TMEM74: variants seen among roughly 807,000 people sequenced by gnomAD.
TMEM74 encodes transmembrane protein 74.
TMEM74 carries 13 observed loss-of-function variants against 18.1 expected under a neutral mutation model. The observed-to-expected ratio is 0.72, with a 90% confidence interval of 0.47 to 1.14. The LOEUF (loss-of-function observed/expected upper bound fraction) is 1.14. TMEM74 is among the 50% of genes most tolerant of loss of function. The probability of loss-of-function intolerance (pLI) is 0.00; values close to 1 mark genes in which losing one functional copy is unlikely to be tolerated. For missense variants in TMEM74, 372 were observed against 375.9 expected (o/e 0.99, Z 0.09); for synonymous variants, 159 against 146.6 (o/e 1.08, Z -0.61).
chr8:108,784,911 G>A lies in TMEM74; in HGVS notation c.188C>T (p.Ser63Phe), dbSNP rs1814361358. The change falls in exon 2 of 2, where the codon TCT (serine) becomes TTT (phenylalanine). Residue 63 changes from serine to phenylalanine, a missense_variant. Coordinates refer to ENST00000297459, the MANE Select transcript of TMEM74 (RefSeq NM_153015.3). The stretch of plus-strand genomic sequence containing the variant: ...CAGAGAGGAGGAGGGGGATGCTGGA[G>A]AAGAACTAAGTTTAGACCCTTCCAT... ...TEMEGSKLSS[S>F]PASPSSSLQN... is the part of the protein sequence containing the mutation. The A allele has an allele frequency of 1.9e-6, 3 of 1,614,204 alleles. No individual in the cohort carries two copies. The highest frequency in any genetic ancestry group is 2.5e-6 in the Non-Finnish European group (3 of 1,180,026).
intron 1 of TMEM74, among the ~76,000 whole-genome samples, chr8:108,787,118 G>A (rs1814395265): frequency 6.6e-6 from 1 of 152,058 alleles, no homozygotes; most frequent in Non-Finnish European, 1.5e-5. Flanking sequence ...TTAAAGCGAG[G>A]GGACACGCAC....
chr8:108,764,849 A>T (rs74891691), intron 1 of TMEM74, among the ~76,000 whole-genome samples: 2,723 of 152,230 alleles, frequency 0.018, 88 homozygotes, highest in African/African-American at 0.062. Context: ...CTCGTAGGCA[A>T]CTTAAGGAAT....
intron 1 of TMEM74, among the ~76,000 whole-genome samples, chr8:108,664,559 T>C (rs369437551): frequency 1.8e-4 from 28 of 152,202 alleles, no homozygotes; most frequent in African/African-American, 6.0e-4. Flanking sequence ...TTTTTCTAGG[T>C]ATAGAATCAT....
intron 1 of TMEM74, among the ~76,000 whole-genome samples, chr8:108,663,285 A>G (rs1812918269): frequency 6.6e-6 from 1 of 152,164 alleles, no homozygotes; most frequent in Non-Finnish European, 1.5e-5. Context: ...GAAAAACAAC[A>G]TTAAAAAGTG....
At position 108,751,540 on chromosome 8, in the gene TMEM74, T is replaced by C. The variant is rs1813904445; in HGVS notation, n.119+35936A>G. Reference sequence around the variant, plus strand: ...TAAAAGAATCCAAGATGGACATTGGTTACAAATTTATATGTAAAAATCAAT... The same window carrying C: ...TAAAAGAATCCAAGATGGACATTGGCTACAAATTTATATGTAAAAATCAAT... On this transcript the variant is annotated intron_variant and non_coding_transcript_variant, in intron 1 of 3. Coordinates refer to the TMEM74 transcript ENST00000518838. Among the ~76,000 whole-genome samples the C allele has an allele frequency of 3.3e-5, 5 of 152,114 alleles. No homozygotes were observed. In the South Asian group the frequency reaches 1.0e-3, roughly 31 times the overall value.
chr8:108,677,041 T>C (rs1813062068), intron 1 of TMEM74, among the ~76,000 whole-genome samples: 1 of 152,226 alleles, frequency 6.6e-6, no homozygotes, highest in Admixed American at 6.5e-5. Flanking sequence ...TTTCCAGCTA[T>C]TGGCACTTAC....
chr8:108,772,101 T>C (rs1012293893), intron 1 of TMEM74, among the ~76,000 whole-genome samples: 5 of 152,210 alleles, frequency 3.3e-5, no homozygotes, highest in African/African-American at 1.2e-4. Context: ...TACTAATTAT[T>C]GAGTGTATAT....
At chr8:108,693,565 G>A (rs1048661300) in intron 1 of TMEM74, among the ~76,000 whole-genome samples, 9 of 152,202 alleles carry the variant, frequency 5.9e-5, no homozygotes, top group African/African-American at 2.2e-4. Context: ...GTATACAAAA[G>A]ATTGAGCATA....
chr8:108,726,278 T>C (rs1813637828), intron 1 of TMEM74, among the ~76,000 whole-genome samples: 1 of 152,156 alleles, frequency 6.6e-6, no homozygotes, highest in Non-Finnish European at 1.5e-5. Context: ...TGAGTCCAGG[T>C]AAGGTAAAAT....
chr8:108,635,955 A>C (rs1812602976), intron 2 of TMEM74, among the ~76,000 whole-genome samples: 1 of 152,084 alleles, frequency 6.6e-6, no homozygotes, highest in Non-Finnish European at 1.5e-5. Context: ...TTCCTTGATA[A>C]AAGATAAAAT....
At chr8:108,695,622 T>C (rs1221713460) in intron 1 of TMEM74, among the ~76,000 whole-genome samples, 1 of 152,174 alleles carries the variant, frequency 6.6e-6, no homozygotes, top group Non-Finnish European at 1.5e-5. Context: ...AATTTAGATC[T>C]AGCCCATTAC....
intron 1 of TMEM74, among the ~76,000 whole-genome samples, chr8:108,670,351 G>T (rs1184774964): frequency 6.6e-6 from 1 of 152,132 alleles, no homozygotes; most frequent in Non-Finnish European, 1.5e-5. Context: ...GGAATGATTT[G>T]CCCTGCAATG....
chr8:108,770,255 C>T (rs894212927), intron 1 of TMEM74, among the ~76,000 whole-genome samples: 4 of 152,136 alleles, frequency 2.6e-5, no homozygotes, highest in African/African-American at 9.6e-5. Context: ...AAAATGATTC[C>T]TTTTAAAAAA....
downstream of TMEM74, among the ~76,000 whole-genome samples, chr8:108,778,181 T>C (rs1388326492): frequency 2.6e-5 from 4 of 152,208 alleles, no homozygotes; most frequent in East Asian, 1.9e-4. Flanking sequence ...TAGTCATTAG[T>C]GTCATTTGCC....
At chr8:108,774,610 C>T (rs1814208008), downstream of TMEM74, among the ~76,000 whole-genome samples, 1 of 152,148 alleles carries the variant, frequency 6.6e-6, no homozygotes, top group Non-Finnish European at 1.5e-5. Flanking sequence ...TCCTTTGGTG[C>T]AAATTAGCCA....
chr8:108,722,029 T>C lies in TMEM74; in HGVS notation n.119+65447A>G, dbSNP rs140904535. On this transcript the variant is annotated intron_variant and non_coding_transcript_variant, in intron 1 of 3. Coordinates refer to the TMEM74 transcript ENST00000518838. ...TTTGGTGTTGAACACAAGAAATCTT[T>C]GCCTAATCCAAGGTCAAAAATGTTT... Among the ~76,000 whole-genome samples the C allele has an allele frequency of 3.3e-3, 505 of 152,364 alleles. 1 individual carries two copies. Among genetic ancestry groups the C allele is most frequent in the Non-Finnish European group, 4.9e-3 (336 of 68,024 alleles).
rs531575034 is a variant in TMEM74 at position 108,670,093 on chromosome 8, A to AT, written n.120-14657dup. Among the ~76,000 whole-genome samples the AT allele has an allele frequency of 3.6e-4, 54 of 149,264 alleles. No homozygotes were observed. In the South Asian group the frequency reaches 0.011, roughly 30 times the overall value. Reference sequence around the variant, plus strand: ...GGCTTAATTCCTTTTCTTTATATTCATTTTTTTTCTGTACTCAGGAAAACT... The same window carrying AT: ...GGCTTAATTCCTTTTCTTTATATTCATTTTTTTTTCTGTACTCAGGAAAACT... On this transcript the variant is annotated intron_variant and non_coding_transcript_variant, in intron 1 of 3. Transcript: ENST00000518838.
At position 108,780,798 on chromosome 8, in the gene TMEM74, C is replaced by G. The variant is rs1252827488; in HGVS notation, c.*3383G>C. On this transcript the variant is annotated 3_prime_UTR_variant, in exon 2 of 2. Coordinates refer to ENST00000297459, the MANE Select transcript of TMEM74 (RefSeq NM_153015.3). The stretch of plus-strand genomic sequence containing the variant: ...TCTTGTCTTCCTGTAAACTATAAAT[C>G]ACCTACACAGTGGGGAGCATGACGA... 1.3e-5 allele frequency among the ~76,000 whole-genome samples: 2 copies of G among 152,112 alleles called. No homozygotes were observed. Among genetic ancestry groups the G allele is most frequent in the African/African-American group, 4.8e-5 (2 of 41,436 alleles).
Sources: allele counts gnomAD v4.1 joint callset (sites outside exome capture counted in the v4.1 genomes callset), GRCh38; gene constraint gnomAD v4.1.1; transcripts MANE v1.5; gene names NCBI Gene and HGNC (gene_info 2026-07-23, HGNC 2026-07-21).